Variants in ANKRD17 observed in about 807,000 individuals in gnomAD.
The protein encoded by ANKRD17 is ankyrin repeat domain 17.
In ANKRD17, 19 loss-of-function variants were observed where a neutral mutation model predicts 229.7. The observed-to-expected ratio is 0.08, with a 90% confidence interval of 0.06 to 0.12. The LOEUF is 0.12. Among genes scored for constraint, ANKRD17 ranks in the 10% least tolerant of loss-of-function variants. The pLI is 1.00. For missense variants in ANKRD17, 2,176 were observed against 3,176.8 expected (o/e 0.68, Z 7.57); for synonymous variants, 1,112 against 1,146.1 (o/e 0.97, Z 0.60).
At chr4:73,227,086 G>T (rs945715120) in intron 1 of ANKRD17, among the ~76,000 whole-genome samples, 1 of 152,072 alleles carries the variant, frequency 6.6e-6, no homozygotes, top group Non-Finnish European at 1.5e-5. Context: ...TGGGCAAAAG[G>T]ATATAAAGAG....
intron 2 of ANKRD17, among the ~76,000 whole-genome samples, chr4:73,162,331 T>A (rs978186691): frequency 6.6e-6 from 1 of 152,126 alleles, no homozygotes; most frequent in African/African-American, 2.4e-5. Context: ...ATTATAGGTG[T>A]GAGCCACCGC....
chr4:73,108,879 T>C (rs1306217486), intron 24 of ANKRD17, among the ~76,000 whole-genome samples: 1 of 152,088 alleles, frequency 6.6e-6, no homozygotes, highest in Non-Finnish European at 1.5e-5. Flanking sequence ...AATAAGTGTG[T>C]ATGCTGATGA....
At chr4:73,185,837 A>AT (rs1384026339) in intron 1 of ANKRD17, among the ~76,000 whole-genome samples, 1 of 152,100 alleles carries the variant, frequency 6.6e-6, no homozygotes, top group Non-Finnish European at 1.5e-5. Flanking sequence ...TTTTGGTTTT[A>AT]TCAATATGAA....
At chr4:73,167,808 T>A (rs1169356745) in intron 2 of ANKRD17, among the ~76,000 whole-genome samples, 2 of 152,156 alleles carry the variant, frequency 1.3e-5, no homozygotes, top group Admixed American at 1.3e-4. Context: ...AATAATCCAT[T>A]CTAGAATTTT....
Position 73,098,891 on chromosome 4 carries a change from C to T in ANKRD17, c.4574-371G>A, listed in dbSNP as rs559539138. 83 of 1,227,694 alleles carry T rather than the reference C, an allele frequency of 6.8e-5. No individual in the cohort carries two copies. In the East Asian group the frequency reaches 8.6e-4, roughly 13 times the overall value. The allele number at this position is 1,227,694 out of a possible 1,614,324, so 76.1% of individuals were successfully genotyped here. On this transcript the variant is annotated intron_variant, in intron 25 of 33. Transcript: ENST00000358602. ...GCAGGAAATGGACAGCACTGAGAAG[C>T]GGGGCCGGGGCAGGCCCCGCAAGCA...
Position 73,153,989 on chromosome 4 carries a change from T to G in ANKRD17, c.1125A>C (p.Gly375=), listed in dbSNP as rs1731324670. ...TGGCTACTTCCACATGTCCAGCACT[T>G]CCAGCTTCCATAAGAGGGGTATGAC... ...ENGHTPLMEA[G]SAGHVEVARL... The change falls in exon 6 of 34, where the codon GGA becomes GGC. Residue 375 remains glycine, a synonymous_variant. Transcript: ENST00000358602. 2 of 1,613,772 alleles carry G rather than the reference T, an allele frequency of 1.2e-6. No individual in the cohort carries two copies. The highest frequency in any genetic ancestry group is 1.3e-5 in the African/African-American group (1 of 75,014).
At chr4:73,163,879 C>T (rs1433001522) in intron 2 of ANKRD17, among the ~76,000 whole-genome samples, 1 of 151,952 alleles carries the variant, frequency 6.6e-6, no homozygotes, top group Non-Finnish European at 1.5e-5. Context: ...ACTAACATAG[C>T]AAATGTTATA....
chr4:73,185,835 T>A (rs1228059453), intron 1 of ANKRD17, among the ~76,000 whole-genome samples: 2 of 152,050 alleles, frequency 1.3e-5, no homozygotes, highest in Non-Finnish European at 2.9e-5. Context: ...AATTTTGGTT[T>A]TATCAATATG....
intron 1 of ANKRD17, among the ~76,000 whole-genome samples, chr4:73,206,513 T>C (rs1739478331): frequency 6.6e-6 from 1 of 151,960 alleles, no homozygotes; most frequent in Admixed American, 6.6e-5. Context: ...ATCTTGTCTC[T>C]TGCAACAACA....
chr4:73,228,401 T>C (rs1173219163), intron 1 of ANKRD17, among the ~76,000 whole-genome samples: 1 of 152,188 alleles, frequency 6.6e-6, no homozygotes, highest in African/African-American at 2.4e-5. Context: ...ATATTCTTTT[T>C]ATTACCACTA....
chr4:73,151,049 G>A (rs1027864479), intron 7 of ANKRD17, among the ~76,000 whole-genome samples: 6 of 151,946 alleles, frequency 3.9e-5, no homozygotes, highest in Admixed American at 3.9e-4. Flanking sequence ...TAAATAGAGA[G>A]GGGGTCTTGG....
chr4:73,144,688 A>T, intron 11 of ANKRD17, 57 bp downstream of exon 11: 2 of 1,219,510 alleles, frequency 1.6e-6, no homozygotes, highest in Non-Finnish European at 2.3e-6. Context: ...TAAATCTCTA[A>T]ATGAAGGCAG....
chr4:73,087,868 G>A (rs531387791), intron 29 of ANKRD17, among the ~76,000 whole-genome samples: 1 of 151,796 alleles, frequency 6.6e-6, no homozygotes, highest in East Asian at 1.9e-4. Flanking sequence ...GATAGAAAGG[G>A]GGAAAAGGAG....
At chr4:73,224,025 G>T (rs1318884229) in intron 1 of ANKRD17, among the ~76,000 whole-genome samples, 1 of 152,142 alleles carries the variant, frequency 6.6e-6, no homozygotes, top group Admixed American at 6.5e-5. Context: ...GCTGAGGCGA[G>T]CAGATCATTT....
chr4:73,135,149 G>A lies in ANKRD17; in HGVS notation c.3202C>T (p.Pro1068Ser). ...SPIISPSAMLPIYPAIDIDAQ... is the reference protein window; with the variant it reads ...SPIISPSAMLSIYPAIDIDAQ... ...TCAATATCAATGGCAGGGTAGATAG[G>A]AAGCATGGCTGAAGGAGAGATGATA... The change falls in exon 16 of 34, where the codon CCT (proline) becomes TCT (serine). Residue 1068 changes from proline to serine, a missense_variant. By Grantham distance (74) the Pro-to-Ser change is moderately conservative (BLOSUM62 -1). Around this residue, in one of 18 missense-constraint regions of ANKRD17, gnomAD observed 230 missense variants for 252.3 expected, o/e 0.91. Coordinates refer to ENST00000358602, the MANE Select transcript of ANKRD17 (RefSeq NM_032217.5). The A allele has an allele frequency of 6.2e-7, 1 of 1,613,786 alleles. No homozygotes were observed. The highest frequency in any genetic ancestry group is 8.5e-7 in the Non-Finnish European group (1 of 1,179,792).
chr4:73,100,860 A>G, intron 25 of ANKRD17: 1 of 985,364 alleles, frequency 1.0e-6, no homozygotes, highest in South Asian at 4.7e-5. Context: ...ACATACACAC[A>G]TTGCATGCAC....
chr4:73,132,276 T>C (rs891274826), intron 16 of ANKRD17, among the ~76,000 whole-genome samples: 4 of 152,024 alleles, frequency 2.6e-5, no homozygotes, highest in African/African-American at 9.7e-5. Context: ...GCCCGGCTAA[T>C]TTTTGTATTT....
chr4:73,179,418 G>C (rs1735149604), intron 1 of ANKRD17, among the ~76,000 whole-genome samples: 1 of 142,286 alleles, frequency 7.0e-6, no homozygotes. Context: ...ATATATATGT[G>C]TGTGCATATA....
intron 1 of ANKRD17, among the ~76,000 whole-genome samples, chr4:73,235,321 G>A (rs776064463): frequency 5.9e-5 from 9 of 152,038 alleles, no homozygotes; most frequent in South Asian, 2.1e-4. Context: ...AGAAGGAAAC[G>A]CAGACCAAAA....
Sources: allele counts gnomAD v4.1 joint callset (sites outside exome capture counted in the v4.1 genomes callset), GRCh38; gene constraint gnomAD v4.1.1; regional missense constraint gnomAD v4.1.1; transcripts MANE v1.5; gene names NCBI Gene and HGNC (gene_info 2026-07-23, HGNC 2026-07-21).